PRELID2: variants seen among roughly 807,000 people sequenced by gnomAD.
PRELID2 encodes the protein PRELI domain containing 2, also known as PRELI domain-containing protein 2.
PRELID2 carries 25 observed loss-of-function variants against 28.4 expected under a neutral mutation model. The ratio of observed to expected loss-of-function variants is 0.88; its 90% CI spans 0.64 to 1.23. The LOEUF is 1.23. PRELID2 is among the 50% of genes most tolerant of loss of function. The pLI, the probability that PRELID2 is intolerant of heterozygous loss-of-function variation, is 0.00. For synonymous variants in PRELID2, 76 were observed against 71.6 expected, an observed-to-expected ratio of 1.06 and a Z score of -0.31; for missense variants, 201 against 214.4, an observed-to-expected ratio of 0.94 and a Z score of 0.39.
chr5:145,296,150 T>C, the PRELID2 span, among the ~76,000 whole-genome samples: 9 of 151,950 alleles, frequency 5.9e-5, no homozygotes, highest in Non-Finnish European at 1.2e-4. Flanking sequence ...AAATTTAGCT[T>C]CCATTGTAGC....
the PRELID2 span, among the ~76,000 whole-genome samples, chr5:145,369,485 T>G: frequency 3.3e-5 from 5 of 152,114 alleles, no homozygotes; most frequent in African/African-American, 9.7e-5. Flanking sequence ...TATTCCATGG[T>G]GTATATGTAC....
intron 4 of PRELID2, among the ~76,000 whole-genome samples, chr5:145,805,821 C>T (rs1753462513): frequency 6.6e-6 from 1 of 152,162 alleles, no homozygotes; most frequent in Admixed American, 6.5e-5. Context: ...CAAAGCTGCA[C>T]ATCATGTTAC....
the PRELID2 span, among the ~76,000 whole-genome samples, chr5:145,334,398 A>T: frequency 6.6e-6 from 1 of 152,266 alleles, no homozygotes; most frequent in East Asian, 1.9e-4. Context: ...CACAATTTAC[A>T]TCTATTTATA....
At chr5:145,278,072 A>G in the PRELID2 span, among the ~76,000 whole-genome samples, 3 of 152,120 alleles carry the variant, frequency 2.0e-5, no homozygotes, top group African/African-American at 7.2e-5. Flanking sequence ...TCTATTGGAC[A>G]TCTTCCATTT....
At chr5:145,694,001 T>A (rs923833693) in intron 1 of PRELID2, among the ~76,000 whole-genome samples, 1 of 152,196 alleles carries the variant, frequency 6.6e-6, no homozygotes, top group Non-Finnish European at 1.5e-5. Flanking sequence ...CAAATCCCAG[T>A]CCTATCACTC....
chr5:145,499,214 C>T (rs1580959517), intron 1 of PRELID2, among the ~76,000 whole-genome samples: 1 of 152,164 alleles, frequency 6.6e-6, no homozygotes, highest in East Asian at 1.9e-4. Context: ...TGCTACTGCA[C>T]TCCAGCCTAG....
chr5:145,476,465 T>C (rs1752102134), intron 1 of PRELID2, among the ~76,000 whole-genome samples: 1 of 152,030 alleles, frequency 6.6e-6, no homozygotes, highest in African/African-American at 2.4e-5. Flanking sequence ...GCCAACAGGG[T>C]GAAACTCTAT....
At chr5:145,701,195 A>G (rs1229681713) in intron 1 of PRELID2, among the ~76,000 whole-genome samples, 1 of 152,238 alleles carries the variant, frequency 6.6e-6, no homozygotes, top group Non-Finnish European at 1.5e-5. Context: ...ATTATTTAAA[A>G]TGTAGGTGAC....
chr5:145,447,066 T>TAAATAAATAAATAAAGAAAG, the PRELID2 span, among the ~76,000 whole-genome samples: 1 of 149,748 alleles, frequency 6.7e-6, no homozygotes, highest in Non-Finnish European at 1.5e-5. Flanking sequence ...AATAAATAAA[T>TAAATAAATAAATAAAGAAAG]AAATAAATAA....
intron 1 of PRELID2, among the ~76,000 whole-genome samples, chr5:145,676,179 C>A (rs1421969423): frequency 6.9e-6 from 1 of 144,320 alleles, no homozygotes; most frequent in East Asian, 2.0e-4. Flanking sequence ...CAGATCGCAC[C>A]ATTGCACTCC....
intron 5 of PRELID2, among the ~76,000 whole-genome samples, chr5:145,770,388 C>T (rs896134820): frequency 6.6e-6 from 1 of 152,034 alleles, no homozygotes; most frequent in African/African-American, 2.4e-5. Context: ...GTTGCAGTGA[C>T]ATGAGCCTGT....
At chr5:145,313,500 CA>C in the PRELID2 span, among the ~76,000 whole-genome samples, 1 of 152,032 alleles carries the variant, frequency 6.6e-6, no homozygotes, top group African/African-American at 2.4e-5. Context: ...TGCCATTTGG[CA>C]AAAACTTTTC....
Position 145,796,166 on chromosome 5 carries a change from T to C in PRELID2, c.474+276A>G, listed in dbSNP as rs541388426. The C allele has an allele frequency of 4.9e-5, 12 of 244,874 alleles. No homozygotes were observed. In the South Asian group the frequency reaches 9.1e-4, roughly 19 times the overall value. 15.2% of individuals were successfully genotyped at this position (244,874 alleles called of 1,614,324 possible). On this transcript the variant is annotated intron_variant, in intron 5 of 6. Coordinates refer to ENST00000683046, the MANE Select transcript of PRELID2 (RefSeq NM_205846.3). ...CATCATACTATACATTATTATTCAT[T>C]CTGATTATTTCTTTTAATTAGATTA...
intron 5 of PRELID2, among the ~76,000 whole-genome samples, chr5:145,791,991 T>C (rs1017051139): frequency 1.3e-5 from 2 of 152,164 alleles, no homozygotes; most frequent in Non-Finnish European, 2.9e-5. Context: ...TTGCCCCTCA[T>C]AGGCCGTTTC....
chr5:145,535,560 A>G (rs1752691601), intron 1 of PRELID2, among the ~76,000 whole-genome samples: 1 of 151,894 alleles, frequency 6.6e-6, no homozygotes, highest in South Asian at 2.1e-4. Context: ...AGTCATTTGC[A>G]AAGTCCTATA....
the PRELID2 span, among the ~76,000 whole-genome samples, chr5:145,385,360 C>T: frequency 6.6e-6 from 1 of 152,104 alleles, no homozygotes; most frequent in Admixed American, 6.6e-5. Flanking sequence ...AGTTATTTGT[C>T]TATAAAATTT....
chr5:145,263,063 C>T, the PRELID2 span, among the ~76,000 whole-genome samples: 2 of 152,030 alleles, frequency 1.3e-5, no homozygotes, highest in African/African-American at 2.4e-5. Context: ...CAAAAACCAA[C>T]TTTAACAGCA....
At chr5:145,722,832 T>G (rs1414248307) in intron 1 of PRELID2, among the ~76,000 whole-genome samples, 1 of 152,092 alleles carries the variant, frequency 6.6e-6, no homozygotes, top group Non-Finnish European at 1.5e-5. Flanking sequence ...AAAATACAGT[T>G]TACCAACATT....
the PRELID2 span, among the ~76,000 whole-genome samples, chr5:145,438,969 G>A: frequency 1.5e-4 from 23 of 152,192 alleles, no homozygotes; most frequent in East Asian, 4.1e-3. Context: ...CTCTGATGCA[G>A]CGATGCTGTC....
Sources: gnomAD v4.1 joint callset for allele counts (sites outside exome capture counted in the v4.1 genomes callset) on GRCh38, gnomAD v4.1.1 for gene constraint, MANE v1.5 for transcripts, NCBI Gene and HGNC (gene_info 2026-07-23, HGNC 2026-07-21) for gene names.